The following CAMKMT variants were observed in gnomAD, a reference collection of about 807,000 sequenced individuals.
CAMKMT encodes the protein CaM KMT.
A neutral mutation model predicts 48.0 loss-of-function variants in CAMKMT; 53 were observed. The ratio of observed to expected loss-of-function variants is 1.10; its 90% CI spans 0.89 to 1.39. The LOEUF (loss-of-function observed/expected upper bound fraction) is 1.39, where lower values mean the gene tolerates loss of function less well. CAMKMT is among the 40% of genes most tolerant of loss of function. The pLI is 0.00. For synonymous variants in CAMKMT, 165 were observed against 152.3 expected (o/e 1.08, Z -0.61); for missense variants, 428 against 402.7 (o/e 1.06, Z -0.54).
intron 7 of CAMKMT, among the ~76,000 whole-genome samples, chr2:44,738,198 C>T (rs1292578966): frequency 6.6e-6 from 1 of 152,186 alleles, no homozygotes; most frequent in African/African-American, 2.4e-5. Flanking sequence ...TTCTCATTTC[C>T]TCCATCTATG....
In CAMKMT at chr2:44,465,450, T is replaced by G. The variant is rs528864796; in HGVS notation, c.376+75145T>G. Among the ~76,000 whole-genome samples, 6 of 151,828 alleles carry G rather than the reference T, an allele frequency of 4.0e-5. No homozygotes were observed. In the East Asian group the frequency reaches 1.2e-3, roughly 29 times the overall value. On this transcript the variant is annotated intron_variant, in intron 3 of 10. Coordinates refer to ENST00000378494, the MANE Select transcript of CAMKMT (RefSeq NM_024766.5). ...CCGTCTCTACTAAAAATACAAAAAT[T>G]AGCTGGGTGGTGGCGCATGCCTGTA...
chr2:44,481,326 A>C (rs1211969612), intron 3 of CAMKMT, among the ~76,000 whole-genome samples: 1 of 152,076 alleles, frequency 6.6e-6, no homozygotes, highest in Non-Finnish European at 1.5e-5. Flanking sequence ...ATGACAGTTT[A>C]ATTATGTGCA....
At chr2:44,767,755 G>T (rs1680901209) in intron 10 of CAMKMT, among the ~76,000 whole-genome samples, 1 of 152,060 alleles carries the variant, frequency 6.6e-6, no homozygotes, top group African/African-American at 2.4e-5. Context: ...AAAAAAGCGG[G>T]TCTTTACCTG....
intron 3 of CAMKMT, among the ~76,000 whole-genome samples, chr2:44,467,745 T>C (rs1158222099): frequency 6.6e-6 from 1 of 152,064 alleles, no homozygotes; most frequent in Non-Finnish European, 1.5e-5. Flanking sequence ...TCCAAAAATA[T>C]GTTGAGGGGA....
rs1243229573 is a variant in CAMKMT at position 44,470,499 on chromosome 2, T to G, written c.376+80194T>G. On this transcript the variant is annotated intron_variant, in intron 3 of 10. Transcript: ENST00000378494. The stretch of plus-strand genomic sequence containing the variant: ...GGAAGGAGTTTACAATTTGGAGGTG[T>G]CTGGTTTCTTCCCACCTGTTTGTAT... Among the ~76,000 whole-genome samples, 6 of 77,846 alleles carry G rather than the reference T, an allele frequency of 7.7e-5. No homozygotes were observed. In the East Asian group the frequency reaches 1.8e-3, roughly 24 times the overall value. 51.1% of individuals were successfully genotyped at this position (77,846 alleles called of 152,430 possible).
chr2:44,570,488 A>G (rs564330669), intron 3 of CAMKMT, among the ~76,000 whole-genome samples: 96 of 152,288 alleles, frequency 6.3e-4, no homozygotes, highest in African/African-American at 2.2e-3. Context: ...CAAAAATACT[A>G]TTATCTGAAT....
intron 3 of CAMKMT, among the ~76,000 whole-genome samples, chr2:44,448,348 A>G (rs1486923190): frequency 1.3e-5 from 2 of 152,210 alleles, no homozygotes; most frequent in East Asian, 3.8e-4. Flanking sequence ...TATCTATAGT[A>G]TTGCATGATA....
chr2:44,457,633 G>A (rs577235285), intron 3 of CAMKMT, among the ~76,000 whole-genome samples: 17 of 152,000 alleles, frequency 1.1e-4, no homozygotes, highest in African/African-American at 3.9e-4. Flanking sequence ...TCCTGACCTC[G>A]TGATCCACCC....
intron 3 of CAMKMT, among the ~76,000 whole-genome samples, chr2:44,571,936 G>C (rs1456837698): frequency 6.6e-6 from 1 of 152,206 alleles, no homozygotes; most frequent in Non-Finnish European, 1.5e-5. Flanking sequence ...TCACTCATTT[G>C]TGAACTACCT....
intron 3 of CAMKMT, among the ~76,000 whole-genome samples, chr2:44,570,366 C>T (rs973049294): frequency 6.6e-6 from 1 of 152,154 alleles, no homozygotes; most frequent in South Asian, 2.1e-4. Flanking sequence ...AATAAATCTA[C>T]TGTGCAATTA....
chr2:44,766,597 C>T (rs1680851892), intron 10 of CAMKMT, 36 bp downstream of exon 10: 1 of 1,609,416 alleles, frequency 6.2e-7, no homozygotes, highest in African/African-American at 1.3e-5. Context: ...ACACTTTAAT[C>T]CGCATTGCAT....
chr2:44,457,968 A>G (rs534934670), intron 3 of CAMKMT, among the ~76,000 whole-genome samples: 1 of 151,712 alleles, frequency 6.6e-6, no homozygotes, highest in East Asian at 1.9e-4. Flanking sequence ...TGTAAAGAAC[A>G]TCCCCCATTT....
At chr2:44,387,741 C>T (rs984734466) in intron 2 of CAMKMT, among the ~76,000 whole-genome samples, 1 of 152,108 alleles carries the variant, frequency 6.6e-6, no homozygotes, top group Admixed American at 6.5e-5. Flanking sequence ...TGAATTCTCT[C>T]AGTATTTGTC....
intron 3 of CAMKMT, among the ~76,000 whole-genome samples, chr2:44,407,148 C>T (rs1450207778): frequency 6.6e-6 from 1 of 152,130 alleles, no homozygotes; most frequent in East Asian, 1.9e-4. Flanking sequence ...TAGTTATCTG[C>T]AGTTGTTCTG....
chr2:44,726,449 G>A (rs1176720761), intron 7 of CAMKMT, among the ~76,000 whole-genome samples: 2 of 152,090 alleles, frequency 1.3e-5, no homozygotes, highest in Non-Finnish European at 2.9e-5. Flanking sequence ...GTCCGTTCAC[G>A]TCCTTTGCCC....
chr2:44,655,722 A>C (rs1404389537), intron 3 of CAMKMT, among the ~76,000 whole-genome samples: 1 of 152,120 alleles, frequency 6.6e-6, no homozygotes, highest in Admixed American at 6.5e-5. Flanking sequence ...AGAGCTATCC[A>C]ATTAGAAAAG....
chr2:44,511,583 C>G (rs1670558075), intron 3 of CAMKMT, among the ~76,000 whole-genome samples: 1 of 152,246 alleles, frequency 6.6e-6, no homozygotes, highest in South Asian at 2.1e-4. Context: ...GCCACCACGC[C>G]TGGCCTATTT....
chr2:44,400,100 C>G (rs1029174722), intron 3 of CAMKMT, among the ~76,000 whole-genome samples: 7 of 151,924 alleles, frequency 4.6e-5, no homozygotes, highest in Admixed American at 4.6e-4. Flanking sequence ...CAAGTCATAC[C>G]CAAACAAATC....
intron 3 of CAMKMT, among the ~76,000 whole-genome samples, chr2:44,680,047 C>T (rs528245904): frequency 6.6e-6 from 1 of 152,304 alleles, no homozygotes; most frequent in South Asian, 2.1e-4. Context: ...TCTGAAATAG[C>T]AGGGTGCCAG....
Sources: allele counts gnomAD v4.1 joint callset (sites outside exome capture counted in the v4.1 genomes callset), GRCh38; gene constraint gnomAD v4.1.1; transcripts MANE v1.5; gene names NCBI Gene and HGNC (gene_info 2026-07-23, HGNC 2026-07-21).